The following RALGAPA1 variants were observed in gnomAD, a reference collection of about 807,000 sequenced individuals.
The protein encoded by RALGAPA1 is ral GTPase-activating protein subunit alpha-1.
Under a neutral mutation model 269.6 loss-of-function variants are expected in RALGAPA1, and 52 were observed. The ratio of observed to expected loss-of-function variants is 0.19; its 90% CI spans 0.15 to 0.24. The LOEUF is 0.24. Ranked by LOEUF, RALGAPA1 falls within the 10% of genes least tolerant of loss-of-function variation. RALGAPA1 has a pLI of 1.00. For synonymous variants in RALGAPA1, 817 were observed against 1,008.3 expected (o/e 0.81, Z 3.60); for missense variants, 1,917 against 3,013.9 (o/e 0.64, Z 8.52).
chr14:35,667,470 G>C (rs760181143), intron 26 of RALGAPA1, among the ~76,000 whole-genome samples: 1 of 152,128 alleles, frequency 6.6e-6, no homozygotes, highest in Non-Finnish European at 1.5e-5. Context: ...GGCATTCAAG[G>C]CCTTTCCAAA....
At chr14:35,541,040 ATTTT>A (rs559979336) in intron 41 of RALGAPA1, among the ~76,000 whole-genome samples, 27 of 89,170 alleles carry the variant, frequency 3.0e-4, no homozygotes, top group East Asian at 8.6e-4. Flanking sequence ...GAACACTTCA[ATTTT>A]TTTTTTTTTT....
At chr14:35,541,941 T>C in intron 41 of RALGAPA1, 1 of 922,272 alleles carries the variant, frequency 1.1e-6, no homozygotes, top group Non-Finnish European at 1.5e-6. Context: ...ATCAAGGTTT[T>C]TATTATGAAA....
chr14:35,789,120 C>T lies in RALGAPA1; in HGVS notation c.107-13375G>A, dbSNP rs553753238. 1.2e-4 allele frequency among the ~76,000 whole-genome samples: 18 copies of T among 152,236 alleles called. No individual in the cohort carries two copies. The South Asian group carries it at 3.1e-3, about 26-fold the overall frequency. ...GCTCAGTGTACAAAAAACTCCTATA[C>T]CTACATGATAGGGAAGACTTCATAG... On this transcript the variant is annotated intron_variant, in intron 1 of 41. Transcript: ENST00000680220.
intron 39 of RALGAPA1, among the ~76,000 whole-genome samples, chr14:35,552,469 A>G (rs1415921362): frequency 6.6e-6 from 1 of 152,204 alleles, no homozygotes; most frequent in Non-Finnish European, 1.5e-5. Context: ...GGACAACTCA[A>G]GCTATCGTTT....
At chr14:35,779,753 T>G (rs1047284659) in intron 1 of RALGAPA1, among the ~76,000 whole-genome samples, 3 of 152,172 alleles carry the variant, frequency 2.0e-5, no homozygotes, top group African/African-American at 7.2e-5. Context: ...GGAGCCAAAG[T>G]ATTCTCTCTC....
Position 35,688,764 on chromosome 14 carries a change from T to A in RALGAPA1, c.3647A>T (p.Asp1216Val). The A allele has an allele frequency of 2.1e-6, 3 of 1,452,112 alleles. No homozygotes were observed. Among genetic ancestry groups the A allele is most frequent in the Non-Finnish European group, 2.7e-6 (3 of 1,109,740 alleles). 90.0% of individuals were successfully genotyped at this position (1,452,112 alleles called of 1,614,324 possible). ...LVKPGVYRPL[D>V]TLGTASVSSK... The stretch of plus-strand genomic sequence containing the variant: ...GCTTACTGATGCAGTACCAAGTGTA[T>A]CTAGAGGTCTGTACACACCAGGTTT... The change falls in exon 18 of 42, where the codon GAT becomes GTT. Residue 1216 changes from aspartate to valine, a missense_variant. Asp to Val is a radical substitution (Grantham distance 152). Coordinates refer to ENST00000680220, the MANE Select transcript of RALGAPA1 (RefSeq NM_001346249.2).
At chr14:35,621,972 T>C (rs1053088343) in intron 35 of RALGAPA1, among the ~76,000 whole-genome samples, 10 of 152,206 alleles carry the variant, frequency 6.6e-5, no homozygotes, top group Non-Finnish European at 1.3e-4. Context: ...CTCAAGGATC[T>C]AGAACTAGAA....
chr14:35,548,201 C>T (rs1277679686), intron 41 of RALGAPA1, among the ~76,000 whole-genome samples: 1 of 151,804 alleles, frequency 6.6e-6, no homozygotes, highest in South Asian at 2.1e-4. Context: ...TACTTCAGTT[C>T]AATAGTACTA....
At chr14:35,620,715 T>G (rs1009493281) in intron 35 of RALGAPA1, among the ~76,000 whole-genome samples, 1 of 151,790 alleles carries the variant, frequency 6.6e-6, no homozygotes, top group Admixed American at 6.6e-5. Context: ...CTATACATCA[T>G]TAACAGACAA....
rs770908490 is a variant in RALGAPA1, at chr14:35,762,785, A to G, written c.326-32T>C. ...AGAAAATATGATTTTAAATATTCAC[A>G]TCTTATCTATTTGTAAATGTCAGAG... is the stretch of plus-strand genomic sequence containing the variant. On this transcript the variant is annotated intron_variant, in intron 4 of 41. Coordinates refer to ENST00000680220, the MANE Select transcript of RALGAPA1 (RefSeq NM_001346249.2). The G allele has an allele frequency of 8.0e-6, 10 of 1,250,392 alleles. No homozygotes were observed. In the East Asian group the frequency reaches 2.3e-4, roughly 29 times the overall value. 77.5% of individuals were successfully genotyped at this position (1,250,392 alleles called of 1,614,324 possible).
intron 12 of RALGAPA1, among the ~76,000 whole-genome samples, chr14:35,737,759 CAAAAAAAAAAAAAAAAAAAAAA>C (rs60152249): frequency 5.7e-5 from 1 of 17,416 alleles, no homozygotes; most frequent in Non-Finnish European, 9.3e-5. Flanking sequence ...AAATCCATCT[CAAAAAAAAAAAAAAAAAAAAAA>C]AAAAAAAAAA....
intron 16 of RALGAPA1, among the ~76,000 whole-genome samples, chr14:35,703,563 T>G (rs150928571): frequency 1.6e-3 from 248 of 152,312 alleles, no homozygotes; most frequent in Non-Finnish European, 2.3e-3. Context: ...TAAAAACTCT[T>G]AAGTCTTTAG....
In RALGAPA1 at chr14:35,570,609, A is replaced by G. The variant is rs781711430; in HGVS notation, c.7496+8T>C. ...AGAGTAGAAACCATTACATTAAAAA[A>G]AGGATACAAGTTTTGATACAATGGA... On this transcript the variant is annotated splice_region_variant and intron_variant, in intron 39 of 41. Transcript: ENST00000680220. 6.3e-7 allele frequency: 1 copy of G among 1,594,190 alleles called. No individual in the cohort carries two copies. Among genetic ancestry groups the G allele is most frequent in the Admixed American group, 1.8e-5 (1 of 55,528 alleles).
At chr14:35,636,037 A>C (rs887887281) in intron 31 of RALGAPA1, among the ~76,000 whole-genome samples, 2 of 152,102 alleles carry the variant, frequency 1.3e-5, no homozygotes, top group African/African-American at 4.8e-5. Flanking sequence ...TGAAATTGTT[A>C]CTCATTTTAC....
At chr14:35,604,642 A>G (rs943459237) in intron 36 of RALGAPA1, among the ~76,000 whole-genome samples, 3 of 152,034 alleles carry the variant, frequency 2.0e-5, no homozygotes, top group Non-Finnish European at 2.9e-5. Flanking sequence ...ATTTTGGAAA[A>G]CTATTAAATT....
intron 17 of RALGAPA1, among the ~76,000 whole-genome samples, chr14:35,691,425 C>T (rs1310156940): frequency 6.6e-6 from 1 of 152,012 alleles, no homozygotes; most frequent in East Asian, 1.9e-4. Context: ...GAAGAAAGGA[C>T]AGAGTCAAAA....
At chr14:35,734,769 C>G (rs992652318) in intron 12 of RALGAPA1, among the ~76,000 whole-genome samples, 22 of 152,014 alleles carry the variant, frequency 1.4e-4, no homozygotes, top group African/African-American at 5.3e-4. Context: ...AGAAAACCCA[C>G]AGAGTAGGGG....
chr14:35,693,432 A>T (rs2066655136), intron 17 of RALGAPA1, among the ~76,000 whole-genome samples: 1 of 151,824 alleles, frequency 6.6e-6, no homozygotes, highest in South Asian at 2.1e-4. Flanking sequence ...TGCTTCTTAT[A>T]TTTTAACTTA....
At chr14:35,635,174 TA>T (rs1457006674) in intron 32 of RALGAPA1, among the ~76,000 whole-genome samples, 1 of 122,016 alleles carries the variant, frequency 8.2e-6, no homozygotes, top group Non-Finnish European at 1.6e-5. Flanking sequence ...TCCGTTTCAA[TA>T]AAAGAAAAAA....
Sources: allele counts gnomAD v4.1 joint callset (sites outside exome capture counted in the v4.1 genomes callset), GRCh38; gene constraint gnomAD v4.1.1; transcripts MANE v1.5; gene names NCBI Gene and HGNC (gene_info 2026-07-23, HGNC 2026-07-21).